Variants in GALNT13 observed in about 807,000 individuals in gnomAD.
GALNT13 encodes the protein polypeptide N-acetylgalactosaminyltransferase 13.
GALNT13 carries 28 observed loss-of-function variants against 64.2 expected under a neutral mutation model. The ratio of observed to expected loss-of-function variants is 0.44; its 90% confidence interval spans 0.32 to 0.60. GALNT13 has a LOEUF of 0.60. Among genes scored for constraint, GALNT13 ranks in the 20% least tolerant of loss-of-function variants. The pLI is 0.05. For synonymous variants in GALNT13, 214 were observed against 224.6 expected, an observed-to-expected ratio of 0.95 and a Z score of 0.42; for missense variants, 577 against 669.8, an observed-to-expected ratio of 0.86 and a Z score of 1.53.
intron 10 of GALNT13, among the ~76,000 whole-genome samples, chr2:154,405,265 T>G (rs1461792902): frequency 6.6e-6 from 1 of 151,828 alleles, no homozygotes; most frequent in African/African-American, 2.4e-5. Context: ...GCCAAACTTG[T>G]AAGAACACAT....
At chr2:154,120,078 TG>T (rs1191801371) in intron 3 of GALNT13, among the ~76,000 whole-genome samples, 1 of 150,888 alleles carries the variant, frequency 6.6e-6, no homozygotes, top group East Asian at 2.0e-4. Context: ...TTTGTTTGTT[TG>T]TTTGTTTTTT....
intron 9 of GALNT13, among the ~76,000 whole-genome samples, chr2:154,345,212 C>A (rs115620334): frequency 6.6e-6 from 1 of 152,026 alleles, no homozygotes; most frequent in African/African-American, 2.4e-5. Flanking sequence ...CACTGCTATT[C>A]TTTCTTGACC....
chr2:153,126,351 A>C, the GALNT13 span, among the ~76,000 whole-genome samples: 76,999 of 137,794 alleles, frequency 0.56, 23,269 homozygotes, highest in South Asian at 0.74. Flanking sequence ...TATATATGAT[A>C]TTAAGGAAAA....
At position 154,313,881 on chromosome 2, in the gene GALNT13, G is replaced by A. The variant is rs184426379; in HGVS notation, c.1156+12292G>A. Among the ~76,000 whole-genome samples the A allele has an allele frequency of 2.3e-3, 346 of 148,868 alleles. 2 individuals carry two copies. The highest frequency in any genetic ancestry group is 7.9e-3 in the African/African-American group (320 of 40,394). On this transcript the variant is annotated intron_variant, in intron 9 of 12. Coordinates refer to ENST00000392825, the MANE Select transcript of GALNT13 (RefSeq NM_052917.4). ...ACCTCTAGTCTAATCATTTTTTTTT[G>A]TATATGCAACCAATACAATAGTCTG... is the stretch of plus-strand genomic sequence containing the variant.
At chr2:154,127,215 A>G (rs144620446) in intron 3 of GALNT13, among the ~76,000 whole-genome samples, 76 of 152,260 alleles carry the variant, frequency 5.0e-4, no homozygotes, top group African/African-American at 1.5e-3. Context: ...ATAAATTGCA[A>G]TGGTACCTAA....
chr2:153,250,287 C>A, the GALNT13 span, among the ~76,000 whole-genome samples: 1 of 152,210 alleles, frequency 6.6e-6, no homozygotes. Context: ...GAAAAAAGCT[C>A]ATCATCGCTG....
the GALNT13 span, among the ~76,000 whole-genome samples, chr2:153,259,264 A>G: frequency 5.3e-5 from 8 of 151,300 alleles, no homozygotes; most frequent in African/African-American, 1.7e-4. Context: ...TTTGTTTTCC[A>G]TTGTCATAAA....
the GALNT13 span, among the ~76,000 whole-genome samples, chr2:153,693,337 G>C: frequency 1.3e-5 from 2 of 152,122 alleles, no homozygotes; most frequent in Non-Finnish European, 2.9e-5. Flanking sequence ...TTCGGATTTA[G>C]CCCTGGGATC....
Position 154,217,882 on chromosome 2 carries a change from C to T in GALNT13, c.312-24148C>T, listed in dbSNP as rs147825234. ...AGAATTTATATGCACTTAATCACCTCTGGACTTAGTTTAGCAATCTACGCA... is the reference window on the plus strand; with the variant it reads ...AGAATTTATATGCACTTAATCACCTTTGGACTTAGTTTAGCAATCTACGCA... On this transcript the variant is annotated intron_variant, in intron 4 of 12. Transcript: ENST00000392825. Among the ~76,000 whole-genome samples the T allele has an allele frequency of 3.3e-5, 5 of 152,220 alleles. No individual in the cohort carries two copies. The East Asian group carries it at 9.7e-4, about 29-fold the overall frequency.
chr2:153,124,869 C>T, the GALNT13 span, among the ~76,000 whole-genome samples: 5 of 152,158 alleles, frequency 3.3e-5, no homozygotes, highest in Non-Finnish European at 7.3e-5. Context: ...CAAACAAATA[C>T]GGCAAGTTTT....
chr2:153,547,558 T>G, the GALNT13 span, among the ~76,000 whole-genome samples: 2 of 152,332 alleles, frequency 1.3e-5, no homozygotes, highest in African/African-American at 4.8e-5. Context: ...TCAATAAAAT[T>G]AATGACAGTT....
chr2:154,148,035 G>A (rs746258464), intron 4 of GALNT13, among the ~76,000 whole-genome samples: 28 of 151,728 alleles, frequency 1.8e-4, no homozygotes, highest in African/African-American at 2.7e-4. Flanking sequence ...GTCATTTAAC[G>A]TTAGGTATAT....
the GALNT13 span, among the ~76,000 whole-genome samples, chr2:153,645,993 T>A: frequency 6.6e-6 from 1 of 152,140 alleles, no homozygotes; most frequent in Non-Finnish European, 1.5e-5. Flanking sequence ...TTACATGATC[T>A]CACTTGACCC....
the GALNT13 span, among the ~76,000 whole-genome samples, chr2:153,750,581 T>A: frequency 6.6e-6 from 1 of 151,864 alleles, no homozygotes; most frequent in East Asian, 1.9e-4. Context: ...AATTTTACCA[T>A]TTCTTCTAGA....
chr2:153,082,661 AC>A, the GALNT13 span, among the ~76,000 whole-genome samples: 1 of 93,880 alleles, frequency 1.1e-5, no homozygotes, highest in Non-Finnish European at 2.3e-5. Context: ...ACACACACAC[AC>A]ACATATATAT....
chr2:153,131,491 A>G, the GALNT13 span, among the ~76,000 whole-genome samples: 2 of 151,720 alleles, frequency 1.3e-5, no homozygotes, highest in Non-Finnish European at 2.9e-5. Flanking sequence ...GTAAGAGAGT[A>G]AACTGGAGGA....
the GALNT13 span, among the ~76,000 whole-genome samples, chr2:153,690,613 A>G: frequency 9.2e-5 from 14 of 152,164 alleles, no homozygotes; most frequent in African/African-American, 3.4e-4. Context: ...CTTACAGTGG[A>G]CTTAACACAT....
chr2:154,135,368 T>G (rs1281430241), intron 3 of GALNT13, among the ~76,000 whole-genome samples: 2 of 152,208 alleles, frequency 1.3e-5, no homozygotes, highest in Non-Finnish European at 1.5e-5. Flanking sequence ...AGATGACACC[T>G]TTCTGAGAAG....
chr2:154,231,931 T>G (rs779744713), intron 4 of GALNT13, among the ~76,000 whole-genome samples: 19 of 151,926 alleles, frequency 1.3e-4, no homozygotes, highest in Non-Finnish European at 2.4e-4. Flanking sequence ...TTATACTATA[T>G]TCTAGGCACT....
Sources: gnomAD v4.1 joint callset for allele counts (sites outside exome capture counted in the v4.1 genomes callset) on GRCh38, gnomAD v4.1.1 for gene constraint, MANE v1.5 for transcripts, NCBI Gene and HGNC (gene_info 2026-07-23, HGNC 2026-07-21) for gene names.